PLCL2: variants seen among roughly 807,000 people sequenced by gnomAD.
PLCL2 encodes the protein inactive phospholipase C-like protein 2.
PLCL2 carries 4 observed loss-of-function variants against 79.6 expected under a neutral mutation model. The ratio of observed to expected loss-of-function variants is 0.05; its 90% CI spans 0.02 to 0.11. The LOEUF (loss-of-function observed/expected upper bound fraction) is 0.11. Ranked by LOEUF, PLCL2 falls within the 10% of genes least tolerant of loss-of-function variation. The pLI is 1.00. For synonymous variants in PLCL2, 484 were observed against 457.7 expected (o/e 1.06, Z -0.73); for missense variants, 895 against 1,291.0 (o/e 0.69, Z 4.70).
chr3:16,888,908 C>G (rs545186478), intron 1 of PLCL2, among the ~76,000 whole-genome samples: 1 of 152,164 alleles, frequency 6.6e-6, no homozygotes, highest in African/African-American at 2.4e-5. Flanking sequence ...TGGTTTGTGT[C>G]GAGTTCTGTG....
At chr3:16,909,898 CATT>C (rs1696836455) in intron 1 of PLCL2, among the ~76,000 whole-genome samples, 1 of 152,096 alleles carries the variant, frequency 6.6e-6, no homozygotes, top group African/African-American at 2.4e-5. Flanking sequence ...GACTGATTAC[CATT>C]ATTGTTATTT....
intron 1 of PLCL2, among the ~76,000 whole-genome samples, chr3:16,898,923 G>A (rs1696553712): frequency 6.6e-6 from 1 of 152,136 alleles, no homozygotes; most frequent in Non-Finnish European, 1.5e-5. Flanking sequence ...GCAGGGGTTG[G>A]AGGGTGGAGG....
chr3:17,052,810 C>T (rs148061691), intron 4 of PLCL2, among the ~76,000 whole-genome samples: 9 of 152,218 alleles, frequency 5.9e-5, no homozygotes, highest in Non-Finnish European at 1.2e-4. Context: ...ATTTTCTCTT[C>T]CTCGTGATTT....
chr3:17,030,852 G>A (rs910732768), intron 3 of PLCL2, among the ~76,000 whole-genome samples: 1 of 152,200 alleles, frequency 6.6e-6, no homozygotes, highest in African/African-American at 2.4e-5. Context: ...GTAAGACTAT[G>A]ATTAAATTAC....
At chr3:17,037,236 G>A (rs1277138494) in intron 3 of PLCL2, among the ~76,000 whole-genome samples, 1 of 152,166 alleles carries the variant, frequency 6.6e-6, no homozygotes, top group Non-Finnish European at 1.5e-5. Context: ...GGTGGTGCCT[G>A]AAGCCACATC....
rs141517924 is a variant in PLCL2 at position 17,063,914 on chromosome 3, G to T, written c.3095-4042G>T. Among the ~76,000 whole-genome samples the T allele has an allele frequency of 9.6e-4, 146 of 152,326 alleles. 3 individuals carry two copies. The East Asian group carries it at 0.024, about 25-fold the overall frequency. On this transcript the variant is annotated intron_variant, in intron 4 of 5. Coordinates refer to ENST00000615277, the MANE Select transcript of PLCL2 (RefSeq NM_001144382.2). ...GACTTCTTGAGGGAGTGGAGAGGGAGTGTGACTTAGTCTTAAGCTTTTTAC... is the reference window on the plus strand; with the variant it reads ...GACTTCTTGAGGGAGTGGAGAGGGATTGTGACTTAGTCTTAAGCTTTTTAC...
intron 1 of PLCL2, among the ~76,000 whole-genome samples, chr3:16,961,080 CT>C (rs1294305340): frequency 6.6e-6 from 1 of 152,208 alleles, no homozygotes; most frequent in East Asian, 1.9e-4. Context: ...GAAATATATG[CT>C]GTTGAGGTAT....
intron 4 of PLCL2, among the ~76,000 whole-genome samples, chr3:17,066,835 A>G (rs2065015365): frequency 6.6e-6 from 1 of 152,226 alleles, no homozygotes. Flanking sequence ...AAGGAAGATT[A>G]TTAATAATAT....
At position 16,941,100 on chromosome 3, in the gene PLCL2, G is replaced by A. The variant is rs545113060; in HGVS notation, c.327+55734G>A. ...CTTTTCCTACTACTAAGAGAAGGGG[G>A]CTCCCATGGATTCAGTCCTTTGTCC... On this transcript the variant is annotated intron_variant, in intron 1 of 5. Coordinates refer to ENST00000615277, the MANE Select transcript of PLCL2 (RefSeq NM_001144382.2). Among the ~76,000 whole-genome samples the A allele has an allele frequency of 1.3e-4, 20 of 152,190 alleles. No individual in the cohort carries two copies. In the South Asian group the frequency reaches 4.2e-3, roughly 32 times the overall value.
At chr3:16,922,032 A>G (rs1697135290) in intron 1 of PLCL2, among the ~76,000 whole-genome samples, 1 of 152,212 alleles carries the variant, frequency 6.6e-6, no homozygotes, top group Admixed American at 6.5e-5. Flanking sequence ...ATGTGATACA[A>G]CAAAAGCTAT....
At position 17,090,175 on chromosome 3, in the gene PLCL2, T is replaced by C; in HGVS notation, c.*263T>C. 8.9e-7 allele frequency: 1 copy of C among 1,129,508 alleles called. No homozygotes were observed. Among genetic ancestry groups the C allele is most frequent in the South Asian group, 4.1e-5 (1 of 24,508 alleles). The allele number at this position is 1,129,508 out of a possible 1,614,324, so 70.0% of individuals were successfully genotyped here. ...AAGACATTCTAACTCAGTTCCAGTA[T>C]GAAGAAAGATTATTCACTCTAGCTC... On this transcript the variant is annotated 3_prime_UTR_variant, in exon 6 of 6. Coordinates refer to ENST00000615277, the MANE Select transcript of PLCL2 (RefSeq NM_001144382.2).
At chr3:17,057,387 C>T (rs1365593657) in intron 4 of PLCL2, among the ~76,000 whole-genome samples, 2 of 152,118 alleles carry the variant, frequency 1.3e-5, no homozygotes, top group Non-Finnish European at 1.5e-5. Flanking sequence ...GTTTAGGACT[C>T]ACTCGGGGAC....
chr3:16,983,461 G>A (rs954361350), intron 1 of PLCL2, among the ~76,000 whole-genome samples: 2 of 152,122 alleles, frequency 1.3e-5, no homozygotes, highest in Non-Finnish European at 2.9e-5. Context: ...CTGAGGTCAG[G>A]AGTTCAAGGC....
chr3:17,071,053 G>A (rs1224652769), intron 5 of PLCL2, among the ~76,000 whole-genome samples: 1 of 152,058 alleles, frequency 6.6e-6, no homozygotes, highest in Non-Finnish European at 1.5e-5. Flanking sequence ...CAAGTTTCTT[G>A]GGGGATTCTG....
At chr3:16,890,923 A>G (rs911927268) in intron 1 of PLCL2, among the ~76,000 whole-genome samples, 7 of 152,342 alleles carry the variant, frequency 4.6e-5, no homozygotes, top group Admixed American at 4.6e-4. Context: ...AGCAACAATT[A>G]TGTGAATGGT....
chr3:16,989,511 C>G (rs1425959461), intron 1 of PLCL2, among the ~76,000 whole-genome samples: 1 of 152,082 alleles, frequency 6.6e-6, no homozygotes, highest in Admixed American at 6.5e-5. Context: ...TTTATATTGA[C>G]TACATGTGGA....
At chr3:17,042,181 C>A (rs758573355) in intron 3 of PLCL2, among the ~76,000 whole-genome samples, 3 of 152,120 alleles carry the variant, frequency 2.0e-5, no homozygotes, top group Admixed American at 6.6e-5. Flanking sequence ...TTAGAGCCAA[C>A]AAGATTACTT....
At chr3:17,060,071 A>C (rs924100942) in intron 4 of PLCL2, among the ~76,000 whole-genome samples, 5 of 152,134 alleles carry the variant, frequency 3.3e-5, no homozygotes, top group African/African-American at 1.2e-4. Flanking sequence ...AAATGAAGTG[A>C]GGAGGGTCTT....
rs1442701875 is a variant in PLCL2, at chr3:16,885,095, G to A, written c.56G>A (p.Gly19Asp). The A allele has an allele frequency of 2.3e-6, 1 of 444,394 alleles. No homozygotes were observed. The highest frequency in any genetic ancestry group is 4.4e-5 in the Admixed American group (1 of 22,640). The allele number at this position is 444,394 out of a possible 1,614,324, so 27.5% of individuals were successfully genotyped here. Residue 19 changes from glycine (G) to aspartate (D), a missense_variant, in exon 1 of 6, where the codon GGC becomes GAC. Coordinates refer to ENST00000615277, the MANE Select transcript of PLCL2 (RefSeq NM_001144382.2). Reference protein sequence around the residue: ...AAGGALPTSPGPALGAKGALK... With the variant: ...AAGGALPTSPDPALGAKGALK... ...GGCGGGGCCCTGCCCACCTCCCCGG[G>A]CCCGGCCCTCGGCGCCAAGGGCGCC...
Sources: allele counts gnomAD v4.1 joint callset (sites outside exome capture counted in the v4.1 genomes callset), GRCh38; gene constraint gnomAD v4.1.1; transcripts MANE v1.5; gene names NCBI Gene and HGNC (gene_info 2026-07-23, HGNC 2026-07-21).